FBN2: variants seen among roughly 807,000 people sequenced by gnomAD.
FBN2 encodes fibrillin-2.
FBN2 carries 105 observed loss-of-function variants against 355.6 expected under a neutral mutation model. That is an observed-to-expected ratio of 0.30 (90% CI 0.25 to 0.35). The LOEUF (loss-of-function observed/expected upper bound fraction) is 0.35, where lower values mean the gene tolerates loss of function less well. Among genes scored for constraint, FBN2 ranks in the 10% least tolerant of loss-of-function variants. The pLI, the probability that FBN2 is intolerant of heterozygous loss-of-function variation, is 1.00. For missense variants in FBN2, 3,280 were observed against 3,758.7 expected (o/e 0.87, Z 3.33); for synonymous variants, 1,350 against 1,301.2 (o/e 1.04, Z -0.81).
intron 18 of FBN2, among the ~76,000 whole-genome samples, chr5:128,364,339 T>C (rs775515470): frequency 5.3e-5 from 8 of 152,196 alleles, no homozygotes; most frequent in African/African-American, 7.2e-5. Flanking sequence ...TTAAGGTATA[T>C]GCAGGAAAAC....
In FBN2 at chr5:128,330,554, C is replaced by T. The variant is rs886038503; in HGVS notation, c.4345+19G>A. 10 of 1,613,708 alleles carry T rather than the reference C, an allele frequency of 6.2e-6. No homozygotes were observed. The highest frequency in any genetic ancestry group is 7.6e-6 in the Non-Finnish European group (9 of 1,179,660). ...TCTATGACCATCCCGTCAGAGCACA[C>T]CTCAGGACTGTCACCCACCTGAGCA... is the stretch of plus-strand genomic sequence containing the variant. On this transcript the variant is annotated intron_variant, in intron 33 of 64. Transcript: ENST00000262464.
In FBN2 at chr5:128,411,516, G is replaced by C. The variant is rs143078275; in HGVS notation, c.953-2717C>G. On this transcript the variant is annotated intron_variant, in intron 7 of 64. Coordinates refer to ENST00000262464, the MANE Select transcript of FBN2 (RefSeq NM_001999.4). Reference sequence around the variant, plus strand: ...CGGAACTCCTCTCTGACCGTCCCCAGCTGAACTCCTCTCCAACCGTAGTCT... The same window carrying C: ...CGGAACTCCTCTCTGACCGTCCCCACCTGAACTCCTCTCCAACCGTAGTCT... Among the ~76,000 whole-genome samples, 13 of 152,306 alleles carry C rather than the reference G, an allele frequency of 8.5e-5. No individual in the cohort carries two copies. The East Asian group carries it at 2.3e-3, about 27-fold the overall frequency.
At chr5:128,317,812 G>T (rs1042547258) in intron 36 of FBN2, among the ~76,000 whole-genome samples, 6 of 152,260 alleles carry the variant, frequency 3.9e-5, no homozygotes, top group Admixed American at 1.3e-4. Context: ...GTAGGCAGGA[G>T]AAATAGATAT....
intron 6 of FBN2, among the ~76,000 whole-genome samples, chr5:128,448,559 G>A (rs748162818): frequency 4.6e-5 from 7 of 151,888 alleles, no homozygotes; most frequent in African/African-American, 7.3e-5. Flanking sequence ...TGCCCGCCTC[G>A]GCCTCCCAAA....
intron 34 of FBN2, among the ~76,000 whole-genome samples, chr5:128,323,781 G>A (rs991874680): frequency 6.6e-6 from 1 of 152,086 alleles, no homozygotes. Flanking sequence ...TCCAAGTTTC[G>A]GTATCAGGAT....
chr5:128,518,461 T>C (rs776900710), intron 5 of FBN2, among the ~76,000 whole-genome samples: 2 of 152,138 alleles, frequency 1.3e-5, no homozygotes, highest in African/African-American at 2.4e-5. Context: ...TGGCTTCAGA[T>C]ACCCAATCAT....
At chr5:128,354,053 C>T (rs1384422990) in intron 20 of FBN2, among the ~76,000 whole-genome samples, 2 of 152,172 alleles carry the variant, frequency 1.3e-5, no homozygotes, top group Non-Finnish European at 2.9e-5. Context: ...CAGACACACA[C>T]ACAACTGAGA....
chr5:128,455,993 A>C (rs1003198368), intron 6 of FBN2, among the ~76,000 whole-genome samples: 23 of 122,610 alleles, frequency 1.9e-4, no homozygotes, highest in East Asian at 4.2e-4. Context: ...TTAGCAACAA[A>C]AAAAAAAAAA....
intron 40 of FBN2, 148 bp downstream of exon 40, chr5:128,309,835 T>G: frequency 2.2e-6 from 2 of 905,314 alleles, no homozygotes; most frequent in Middle Eastern, 3.0e-4. Flanking sequence ...AAAAACTTGA[T>G]ACTAAGCCAG....
chr5:128,478,674 T>C (rs1755069259), intron 5 of FBN2, among the ~76,000 whole-genome samples: 1 of 152,152 alleles, frequency 6.6e-6, no homozygotes, highest in South Asian at 2.1e-4. Context: ...GATCCAGAAA[T>C]ATGGTCTAAC....
chr5:128,277,900 A>G lies in FBN2; in HGVS notation c.7451T>C (p.Ile2484Thr). 1 of 1,614,162 alleles carries G rather than the reference A, an allele frequency of 6.2e-7. No homozygotes were observed. Among genetic ancestry groups the G allele is most frequent in the South Asian group, 1.1e-5 (1 of 91,080 alleles). The change falls in exon 58 of 65, where the codon ATC becomes ACC. Residue 2484 changes from isoleucine to threonine, a missense_variant. Around this residue, in one of 6 missense-constraint regions of FBN2, gnomAD observed 2,284 missense variants for 2,749.5 expected, o/e 0.83. Coordinates refer to ENST00000262464, the MANE Select transcript of FBN2 (RefSeq NM_001999.4). ...CFCKVGYTTD[I>T]SGTSCIDLDE... ...GTTACCTATACAAGAGGTTCCACTG[A>G]TGTCTGTGGTGTAGCCAACCTTGCA...
At chr5:128,279,523 T>A (rs1765480587) in intron 56 of FBN2, among the ~76,000 whole-genome samples, 1 of 152,046 alleles carries the variant, frequency 6.6e-6, no homozygotes, top group Non-Finnish European at 1.5e-5. Context: ...GATCAAAAAT[T>A]TCTTGGAATT....
At chr5:128,525,410 T>C (rs949005153) in intron 4 of FBN2, among the ~76,000 whole-genome samples, 9 of 152,286 alleles carry the variant, frequency 5.9e-5, no homozygotes, top group African/African-American at 2.2e-4. Context: ...TCTTTTCTGG[T>C]TATAAACAGA....
intron 5 of FBN2, among the ~76,000 whole-genome samples, chr5:128,496,372 T>C (rs1755655918): frequency 6.6e-6 from 1 of 152,060 alleles, no homozygotes; most frequent in Non-Finnish European, 1.5e-5. Flanking sequence ...TTTGAGGATA[T>C]GTAAATCAAT....
intron 42 of FBN2, 121 bp downstream of exon 42, chr5:128,307,014 T>C: frequency 1.4e-6 from 1 of 723,560 alleles, no homozygotes; most frequent in South Asian, 1.5e-5. Flanking sequence ...TATCTAACTA[T>C]ATTAGATTGG....
intron 23 of FBN2, 70 bp downstream of exon 23, chr5:128,349,277 T>C (rs926767624): frequency 6.3e-7 from 1 of 1,583,712 alleles, no homozygotes; most frequent in African/African-American, 1.3e-5. Context: ...GGTTTTGGAC[T>C]AGCCACTGCT....
At chr5:128,470,645 G>A (rs142775727) in intron 5 of FBN2, among the ~76,000 whole-genome samples, 6 of 152,192 alleles carry the variant, frequency 3.9e-5, no homozygotes, top group East Asian at 1.9e-4. Flanking sequence ...TGGACAAGAC[G>A]GGAAGTAAGA....
At chr5:128,492,772 C>T (rs1755544300) in intron 5 of FBN2, among the ~76,000 whole-genome samples, 1 of 126,238 alleles carries the variant, frequency 7.9e-6, no homozygotes, top group Admixed American at 1.0e-4. Flanking sequence ...CACTGCACTC[C>T]AGCCTGAGCA....
At chr5:128,453,816 CT>C (rs533450817) in intron 6 of FBN2, among the ~76,000 whole-genome samples, 1 of 151,992 alleles carries the variant, frequency 6.6e-6, no homozygotes, top group Admixed American at 6.6e-5. Context: ...CCTCCCCCAA[CT>C]TTTTTTTCCC....
Sources: allele counts gnomAD v4.1 joint callset (sites outside exome capture counted in the v4.1 genomes callset), GRCh38; gene constraint gnomAD v4.1.1; regional missense constraint gnomAD v4.1.1; transcripts MANE v1.5; gene names NCBI Gene and HGNC (gene_info 2026-07-23, HGNC 2026-07-21).